The following SPATA31G1 variants were observed in gnomAD, a reference collection of about 807,000 sequenced individuals.
SPATA31G1 encodes the protein spermatogenesis-associated protein 31G1.
the SPATA31G1 span, chr9:35,042,313 G>A: frequency 6.2e-7 from 1 of 1,614,200 alleles, no homozygotes; most frequent in African/African-American, 1.3e-5. Flanking sequence ...CTTCTCTGGG[G>A]CCAACTGACC....
At chr9:35,044,452 C>G in the SPATA31G1 span, 1 of 1,614,100 alleles carries the variant, frequency 6.2e-7, no homozygotes, top group South Asian at 1.1e-5. Context: ...TGTAACTTAC[C>G]CCAAGACCTG....
At chr9:35,041,958 A>C in the SPATA31G1 span, 1 of 297,462 alleles carries the variant, frequency 3.4e-6, no homozygotes. Flanking sequence ...GAAAAAATTA[A>C]GTAGTTTGAG....
At chr9:35,043,089 G>C in the SPATA31G1 span, 119 of 1,614,152 alleles carry the variant, frequency 7.4e-5, no homozygotes, top group Non-Finnish European at 9.5e-5. Context: ...AGGGATACCA[G>C]AGCAAACAGT....
At chr9:35,042,164 C>T in the SPATA31G1 span, 1 of 1,496,868 alleles carries the variant, frequency 6.7e-7, no homozygotes, top group South Asian at 1.3e-5. Context: ...AGGGAGAAGG[C>T]TGTTAAGCCC....
chr9:35,043,808 C>A, the SPATA31G1 span: 2 of 1,614,062 alleles, frequency 1.2e-6, no homozygotes, highest in Admixed American at 1.7e-5. Context: ...CTCCCCTAGA[C>A]TCCCTGCCAG....
chr9:35,042,598 GGTGA>G, the SPATA31G1 span: 1 of 1,504,662 alleles, frequency 6.6e-7, no homozygotes, highest in African/African-American at 1.4e-5. Flanking sequence ...TGTGAGGCTG[GGTGA>G]GTAACCACTG....
chr9:35,043,572 G>T, the SPATA31G1 span: 5 of 1,614,116 alleles, frequency 3.1e-6, no homozygotes, highest in Non-Finnish European at 4.2e-6. Context: ...TAGCCCCCTG[G>T]AAGTTCTCCC....
At chr9:35,044,943 T>A in the SPATA31G1 span, 1 of 1,613,984 alleles carries the variant, frequency 6.2e-7, no homozygotes, top group South Asian at 1.1e-5. Context: ...TGTCCCAGAG[T>A]TGCTCACCCA....
At chr9:35,041,129 G>A in the SPATA31G1 span, 1 of 454,740 alleles carries the variant, frequency 2.2e-6, no homozygotes, top group Non-Finnish European at 4.4e-6. Context: ...AAGGAAGGAG[G>A]AAGTTAACTT....
the SPATA31G1 span, chr9:35,045,118 C>G: frequency 1.2e-6 from 2 of 1,614,182 alleles, no homozygotes; most frequent in Admixed American, 3.3e-5. Flanking sequence ...TCCTGCCCAC[C>G]ACAGCAGATT....
chr9:35,044,904 G>A, the SPATA31G1 span: 471 of 1,614,098 alleles, frequency 2.9e-4, no homozygotes, highest in East Asian at 9.6e-3. Flanking sequence ...AGGGGTTAAG[G>A]CAGAGGCCCC....
the SPATA31G1 span, chr9:35,045,150 C>T: frequency 1.1e-5 from 17 of 1,614,044 alleles, no homozygotes; most frequent in Admixed American, 3.3e-5. Flanking sequence ...TCCATGCCCC[C>T]ACTCTTCAAG....
chr9:35,043,006 C>T, the SPATA31G1 span: 2 of 1,614,168 alleles, frequency 1.2e-6, no homozygotes. Flanking sequence ...ACCAAAGAAG[C>T]TCCCACTGGA....
chr9:35,045,482 C>A, the SPATA31G1 span: 2 of 1,614,052 alleles, frequency 1.2e-6, no homozygotes, highest in Non-Finnish European at 1.7e-6. Flanking sequence ...CTAGGAAACC[C>A]AAAGCAGGAG....
chr9:35,045,367 A>G, the SPATA31G1 span: 26 of 1,613,992 alleles, frequency 1.6e-5, no homozygotes, highest in Admixed American at 4.3e-4. Flanking sequence ...GGTGTGGACT[A>G]TCTATCTCCA....
chr9:35,044,629 A>G, the SPATA31G1 span: 3 of 1,614,198 alleles, frequency 1.9e-6, no homozygotes, highest in African/African-American at 1.3e-5. Flanking sequence ...CAAAGCAACT[A>G]TAAGCCTGAC....
chr9:35,042,298 T>C, the SPATA31G1 span: 1 of 1,614,168 alleles, frequency 6.2e-7, no homozygotes, highest in African/African-American at 1.3e-5. Context: ...AAGGGGGATA[T>C]GGGGCTTCTC....
At chr9:35,042,570 GTGACTAT>G in the SPATA31G1 span, 1 of 1,590,610 alleles carries the variant, frequency 6.3e-7, no homozygotes, top group South Asian at 1.1e-5. Context: ...GCCCAGGTGA[GTGACTAT>G]AAGCCCTAGA....
chr9:35,042,209 T>C, the SPATA31G1 span: 1 of 1,594,582 alleles, frequency 6.3e-7, no homozygotes, highest in African/African-American at 1.3e-5. Flanking sequence ...CTTTGTTCTG[T>C]GATGCAATGA....
Sources: allele counts gnomAD v4.1 joint callset, GRCh38; gene constraint gnomAD v4.1.1; transcripts MANE v1.5; gene names NCBI Gene and HGNC (gene_info 2026-07-23, HGNC 2026-07-21).